PTPRD: variants seen among roughly 807,000 people sequenced by gnomAD.
PTPRD encodes the protein receptor-type tyrosine-protein phosphatase delta.
PTPRD carries 34 observed loss-of-function variants against 214.5 expected under a neutral mutation model. That is an observed-to-expected ratio of 0.16 (90% CI 0.12 to 0.21). The LOEUF is 0.21. PTPRD is among the 10% of genes least tolerant of loss of function. PTPRD has a pLI of 1.00. For missense variants in PTPRD, 2,545 were observed against 2,398.7 expected (o/e 1.06, Z -1.27); for synonymous variants, 1,128 against 845.7 (o/e 1.33, Z -5.79).
At chr9:8,820,543 T>G (rs1157573034) in intron 11 of PTPRD, among the ~76,000 whole-genome samples, 1 of 152,224 alleles carries the variant, frequency 6.6e-6, no homozygotes, top group Non-Finnish European at 1.5e-5. Flanking sequence ...AGACAGTGAT[T>G]TCCTTTAATC....
intron 8 of PTPRD, among the ~76,000 whole-genome samples, chr9:9,546,024 G>C (rs1051516075): frequency 6.6e-6 from 1 of 151,500 alleles, no homozygotes. Flanking sequence ...TTACACCTAA[G>C]TACTTCATTC....
chr9:10,060,707 T>A (rs547764896), intron 3 of PTPRD, among the ~76,000 whole-genome samples: 2 of 146,558 alleles, frequency 1.4e-5, no homozygotes, highest in South Asian at 2.1e-4. Context: ...AAAGGCTTTT[T>A]AAAAAGTATT....
At chr9:10,007,653 G>A (rs1382063585) in intron 4 of PTPRD, among the ~76,000 whole-genome samples, 1 of 151,890 alleles carries the variant, frequency 6.6e-6, no homozygotes, top group Non-Finnish European at 1.5e-5. Flanking sequence ...AAATATGAGA[G>A]AGGCAAAATT....
intron 5 of PTPRD, among the ~76,000 whole-genome samples, chr9:9,886,653 A>C (rs1428953093): frequency 6.6e-6 from 1 of 152,186 alleles, no homozygotes; most frequent in East Asian, 1.9e-4. Flanking sequence ...GAATCTGGGC[A>C]GGAATGGGAC....
chr9:10,229,618 C>T (rs1013393244), intron 3 of PTPRD, among the ~76,000 whole-genome samples: 16 of 150,952 alleles, frequency 1.1e-4, no homozygotes, highest in Admixed American at 4.0e-4. Flanking sequence ...AACCAAACAC[C>T]GCATGTTCTC....
chr9:9,423,315 G>C (rs1383891545), intron 8 of PTPRD, among the ~76,000 whole-genome samples: 1 of 152,068 alleles, frequency 6.6e-6, no homozygotes, highest in Admixed American at 6.6e-5. Context: ...TAAGAGACCA[G>C]GGTTCTCTTT....
At chr9:10,208,116 G>GTTA (rs1490595521) in intron 3 of PTPRD, among the ~76,000 whole-genome samples, 8 of 152,184 alleles carry the variant, frequency 5.3e-5, no homozygotes, top group African/African-American at 1.9e-4. Context: ...CAAAACCTAT[G>GTTA]TAATGAGGAC....
chr9:10,552,580 A>T (rs2061576860), intron 2 of PTPRD, among the ~76,000 whole-genome samples: 1 of 152,108 alleles, frequency 6.6e-6, no homozygotes. Context: ...CATCACATTT[A>T]TATCCCTACC....
chr9:9,462,923 T>G (rs1005555113), intron 8 of PTPRD, among the ~76,000 whole-genome samples: 1 of 152,150 alleles, frequency 6.6e-6, no homozygotes, highest in Non-Finnish European at 1.5e-5. Context: ...TCACATCAGT[T>G]TTCTTTGTCA....
chr9:8,373,854 G>GTGTC lies in PTPRD; in HGVS notation c.4661+2078_4661+2081dup, dbSNP rs1360837035. On this transcript the variant is annotated intron_variant, in intron 39 of 45. Coordinates refer to ENST00000381196, the MANE Select transcript of PTPRD (RefSeq NM_002839.4). ...TATGTATGTATGTATGTATGTGTATGTGTCTGTCTGTCTATCTATCTATCT... is the reference window on the plus strand; with the variant it reads ...TATGTATGTATGTATGTATGTGTATGTGTCTGTCTGTCTGTCTATCTATCTATCT... Among the ~76,000 whole-genome samples the GTGTC allele has an allele frequency of 3.6e-3, 471 of 129,188 alleles. 2 individuals are homozygous for GTGTC. The highest frequency in any genetic ancestry group is 0.01 in the South Asian group (36 of 3,552). 84.8% of individuals were successfully genotyped at this position (129,188 alleles called of 152,430 possible). A position where few individuals can be genotyped will look rare whatever the true frequency, so the allele number is the denominator to read the frequency against.
chr9:9,127,457 T>C (rs567132813), intron 10 of PTPRD, among the ~76,000 whole-genome samples: 3 of 152,312 alleles, frequency 2.0e-5, no homozygotes, highest in Admixed American at 1.3e-4. Flanking sequence ...AAGCTATAAC[T>C]GACAAGACTT....
chr9:8,556,262 A>G (rs777942480), intron 14 of PTPRD, among the ~76,000 whole-genome samples: 1 of 152,208 alleles, frequency 6.6e-6, no homozygotes, highest in Non-Finnish European at 1.5e-5. Context: ...TGTCCAGAGC[A>G]TATGTCATAA....
At chr9:9,403,474 A>C (rs12340897) in intron 8 of PTPRD, among the ~76,000 whole-genome samples, 303 of 151,044 alleles carry the variant, frequency 2.0e-3, no homozygotes, top group African/African-American at 6.7e-3. Context: ...TGCACTCCTT[A>C]GATTTTGAAA....
chr9:10,511,951 T>TAC (rs1249327430), intron 2 of PTPRD, among the ~76,000 whole-genome samples: 2 of 78,268 alleles, frequency 2.6e-5, no homozygotes, highest in Non-Finnish European at 5.1e-5. Flanking sequence ...TATATACGTG[T>TAC]GTGTATATAT....
chr9:9,024,338 G>GTTTTTTT (rs746383829), intron 10 of PTPRD, among the ~76,000 whole-genome samples: 5 of 61,338 alleles, frequency 8.2e-5, no homozygotes, highest in East Asian at 5.3e-4. Context: ...TCGATTCTTT[G>GTTTTTTT]TTTTTTTTTG....
At chr9:10,131,343 C>G (rs1339280693) in intron 3 of PTPRD, among the ~76,000 whole-genome samples, 1 of 152,066 alleles carries the variant, frequency 6.6e-6, no homozygotes, top group African/African-American at 2.4e-5. Flanking sequence ...AGAATGGGAA[C>G]AATTGCAGTA....
intron 8 of PTPRD, among the ~76,000 whole-genome samples, chr9:9,457,190 G>A (rs776635957): frequency 2.0e-5 from 3 of 151,852 alleles, no homozygotes; most frequent in Admixed American, 6.6e-5. Context: ...TATTTACTCT[G>A]TTACCCTCCT....
chr9:9,378,971 G>C (rs1449315042), intron 9 of PTPRD, among the ~76,000 whole-genome samples: 1 of 149,802 alleles, frequency 6.7e-6, no homozygotes, highest in Non-Finnish European at 1.5e-5. Flanking sequence ...TCATTCTCTT[G>C]ACATTGTATT....
intron 2 of PTPRD, among the ~76,000 whole-genome samples, chr9:10,402,669 G>A (rs903931500): frequency 4.0e-5 from 6 of 151,614 alleles, no homozygotes; most frequent in Non-Finnish European, 7.4e-5. Context: ...CTAAATAAAT[G>A]AAATACCTTA....
Sources: allele counts gnomAD v4.1 joint callset (sites outside exome capture counted in the v4.1 genomes callset), GRCh38; gene constraint gnomAD v4.1.1; transcripts MANE v1.5; gene names NCBI Gene and HGNC (gene_info 2026-07-23, HGNC 2026-07-21).